The following ZNF680 variants were observed in gnomAD, a reference collection of about 807,000 sequenced individuals.
ZNF680 encodes zinc finger protein 680, also known as hypothetical protein FLJ90430.
ZNF680 carries 6 observed loss-of-function variants against 12.1 expected under a neutral mutation model. The ratio of observed to expected loss-of-function variants is 0.49; its 90% confidence interval spans 0.27 to 0.98. The LOEUF (loss-of-function observed/expected upper bound fraction) is 0.98. Ranked by LOEUF, ZNF680 falls within the 50% of genes least tolerant of loss-of-function variation. ZNF680 has a pLI of 0.12. For synonymous variants in ZNF680, 170 were observed against 199.3 expected (o/e 0.85, Z 1.24); for missense variants, 561 against 616.3 (o/e 0.91, Z 0.95).
At chr7:64,518,981 A>G (rs1484850434), downstream of ZNF680, among the ~76,000 whole-genome samples, 1 of 152,116 alleles carries the variant, frequency 6.6e-6, no homozygotes, top group East Asian at 1.9e-4. Context: ...ACGAAAACAA[A>G]TATAAACAGA....
the ZNF680 span, among the ~76,000 whole-genome samples, chr7:64,509,358 T>C: frequency 2.6e-5 from 4 of 152,136 alleles, no homozygotes; most frequent in Admixed American, 2.6e-4. Context: ...AAACTCCACT[T>C]TCAACAGCCA....
the ZNF680 span, among the ~76,000 whole-genome samples, chr7:64,512,395 G>C: frequency 6.8e-6 from 1 of 146,670 alleles, no homozygotes; most frequent in African/African-American, 2.5e-5. Flanking sequence ...AGAGGTTGCA[G>C]TGAGCCAAGA....
At chr7:64,558,224 A>G (rs2116563477) in intron 1 of ZNF680, among the ~76,000 whole-genome samples, 1 of 152,272 alleles carries the variant, frequency 6.6e-6, no homozygotes, top group Non-Finnish European at 1.5e-5. Context: ...GGGTGGGGAT[A>G]TGCAGGAGAC....
At chr7:64,514,628 C>T in the ZNF680 span, among the ~76,000 whole-genome samples, 1 of 152,086 alleles carries the variant, frequency 6.6e-6, no homozygotes, top group Non-Finnish European at 1.5e-5. Context: ...AAACTCACCA[C>T]TCATTAATAA....
chr7:64,506,006 C>CT, the ZNF680 span, among the ~76,000 whole-genome samples: 2 of 152,024 alleles, frequency 1.3e-5, no homozygotes, highest in Non-Finnish European at 2.9e-5. Flanking sequence ...GATAATCTCC[C>CT]TTTTGATGGC....
At position 64,521,588 on chromosome 7, in the gene ZNF680, TG is replaced by T; in HGVS notation, c.1165del (p.Gln389SerfsTer9). The T allele has an allele frequency of 6.2e-7, 1 of 1,612,248 alleles. No homozygotes were observed. The highest frequency in any genetic ancestry group is 8.5e-7 in the Non-Finnish European group (1 of 1,179,600). ...KCEECGKAFI[Q>X]SSNLTEHMRI... ...CATATGTTCAGTAAGGTTTGAGGAC[TG>T]TATAAAAGCTTTGCCGCATTCTTCA... is the stretch of plus-strand genomic sequence containing the variant. On this transcript the variant is annotated frameshift_variant, in exon 4 of 4. Transcript: ENST00000309683. LOFTEE classifies it low-confidence loss of function (END_TRUNC).
intron 3 of ZNF680, among the ~76,000 whole-genome samples, chr7:64,530,880 T>TA (rs1785834935): frequency 7.4e-6 from 1 of 134,314 alleles, no homozygotes; most frequent in Non-Finnish European, 1.7e-5. Context: ...TTAAAAATAA[T>TA]AATAATAATA....
chr7:64,500,701 A>C, the ZNF680 span: 1 of 252,334 alleles, frequency 4.0e-6, no homozygotes. Flanking sequence ...GGTTGTGGCC[A>C]CGTTGCCGAC....
intron 3 of ZNF680, chr7:64,525,090 A>C (rs1167941405): frequency 3.3e-5 from 5 of 151,182 alleles, no homozygotes; most frequent in Non-Finnish European, 5.9e-5. Context: ...AGTACCCAAA[A>C]ATCTGCAATA....
chr7:64,527,447 G>A (rs1791924647), intron 3 of ZNF680, among the ~76,000 whole-genome samples: 1 of 152,162 alleles, frequency 6.6e-6, no homozygotes, highest in African/African-American at 2.4e-5. Flanking sequence ...TGTAATCCCA[G>A]CAGTTTGGGA....
At chr7:64,560,918 T>C (rs1787698546) in intron 1 of ZNF680, 1 of 152,168 alleles carries the variant, frequency 6.6e-6, no homozygotes, top group East Asian at 1.9e-4. Flanking sequence ...GGAATATATG[T>C]AGATATTAAT....
the ZNF680 span, among the ~76,000 whole-genome samples, chr7:64,506,974 T>C: frequency 6.6e-6 from 1 of 152,258 alleles, no homozygotes; most frequent in East Asian, 1.9e-4. Flanking sequence ...AAGATAATTA[T>C]ATGCTGAATT....
chr7:64,521,808 G>T lies in ZNF680; in HGVS notation c.946C>A (p.His316Asn). 2 of 1,613,354 alleles carry T rather than the reference G, an allele frequency of 1.2e-6. No individual in the cohort carries two copies. The highest frequency in any genetic ancestry group is 1.7e-6 in the Non-Finnish European group (2 of 1,179,704). Residue 316 changes from histidine (H) to asparagine (N), a missense_variant, in exon 4 of 4, where the codon CAT becomes AAT. By Grantham distance (68) the His-to-Asn change is moderately conservative. Coordinates refer to ENST00000309683, the MANE Select transcript of ZNF680 (RefSeq NM_178558.5). ...CATTTGAAGGGTTTCTCTCCAGTAT[G>T]AATTCTCTTATGGTTAGTAAGGGTT... ...FATLTNHKRIHTGEKPFKCEE... is the reference protein window; with the variant it reads ...FATLTNHKRINTGEKPFKCEE...
At chr7:64,500,517 T>C in the ZNF680 span, among the ~76,000 whole-genome samples, 2 of 152,222 alleles carry the variant, frequency 1.3e-5, no homozygotes, top group African/African-American at 4.8e-5. Flanking sequence ...GAGGACATGA[T>C]GCTAAATAAG....
At chr7:64,559,022 T>C (rs977921946) in intron 1 of ZNF680, among the ~76,000 whole-genome samples, 3 of 152,094 alleles carry the variant, frequency 2.0e-5, no homozygotes, top group Admixed American at 6.5e-5. Flanking sequence ...GAGGCTCTGA[T>C]TAGCACTCAG....
chr7:64,559,314 T>C (rs1200991565), intron 1 of ZNF680, among the ~76,000 whole-genome samples: 1 of 152,138 alleles, frequency 6.6e-6, no homozygotes, highest in African/African-American at 2.4e-5. Context: ...ATTAGGAAGT[T>C]GGCAACTTCT....
At chr7:64,527,775 T>C (rs1791948596) in intron 3 of ZNF680, among the ~76,000 whole-genome samples, 1 of 151,546 alleles carries the variant, frequency 6.6e-6, no homozygotes, top group African/African-American at 2.4e-5. Flanking sequence ...TGAGGACAAA[T>C]CTGGGGGCAT....
intron 3 of ZNF680, among the ~76,000 whole-genome samples, chr7:64,523,927 A>G (rs1791689910): frequency 6.6e-6 from 1 of 151,650 alleles, no homozygotes; most frequent in South Asian, 2.1e-4. Flanking sequence ...AAAAAAAAAG[A>G]ATTTTAAAAA....
chr7:64,515,021 C>T (rs1791318606), downstream of ZNF680, among the ~76,000 whole-genome samples: 1 of 149,360 alleles, frequency 6.7e-6, no homozygotes, highest in Non-Finnish European at 1.5e-5. Context: ...CCAGCCTGGG[C>T]AACAAGAGCA....
Sources: allele counts gnomAD v4.1 joint callset (sites outside exome capture counted in the v4.1 genomes callset), GRCh38; gene constraint gnomAD v4.1.1; transcripts MANE v1.5; gene names NCBI Gene and HGNC (gene_info 2026-07-23, HGNC 2026-07-21).